The following ST7L variants were observed in gnomAD, a reference collection of about 807,000 sequenced individuals.
The protein encoded by ST7L is suppressor of tumorigenicity 7 protein-like.
In ST7L, 57 loss-of-function variants were observed where a neutral mutation model predicts 72.5. That is an observed-to-expected ratio of 0.79 (90% confidence interval 0.64 to 0.98). The LOEUF is 0.98. Among genes scored for constraint, ST7L ranks in the 50% least tolerant of loss-of-function variants. ST7L has a pLI of 0.00. For missense variants in ST7L, 576 were observed against 672.2 expected, an observed-to-expected ratio of 0.86 and a Z score of 1.58; for synonymous variants, 221 against 240.9, an observed-to-expected ratio of 0.92 and a Z score of 0.77.
chr1:112,604,626 A>G (rs185171916), intron 3 of ST7L, among the ~76,000 whole-genome samples: 29 of 152,106 alleles, frequency 1.9e-4, no homozygotes, highest in Non-Finnish European at 4.1e-4. Context: ...GGCAAATTCC[A>G]TTACATCTTA....
At chr1:112,550,563 C>T (rs1414880910) in intron 13 of ST7L, 38 bp downstream of exon 13, 6 of 1,446,942 alleles carry the variant, frequency 4.1e-6, no homozygotes, top group African/African-American at 1.4e-5. Flanking sequence ...TCTAAACTTA[C>T]TACTTTTAAG....
At chr1:112,583,154 T>G (rs528891972) in intron 7 of ST7L, among the ~76,000 whole-genome samples, 117 of 152,324 alleles carry the variant, frequency 7.7e-4, no homozygotes, top group African/African-American at 2.7e-3. Flanking sequence ...ATACCATATA[T>G]ATCTGTATTT....
At chr1:112,586,863 A>C (rs368231288) in intron 6 of ST7L, among the ~76,000 whole-genome samples, 1 of 152,206 alleles carries the variant, frequency 6.6e-6, no homozygotes, top group Admixed American at 6.5e-5. Flanking sequence ...CATCGCCACA[A>C]TGTAATTCCA....
chr1:112,559,651 T>A (rs1343308757), intron 11 of ST7L, among the ~76,000 whole-genome samples: 2 of 152,198 alleles, frequency 1.3e-5, no homozygotes, highest in Non-Finnish European at 2.9e-5. Flanking sequence ...TACTTCAAGA[T>A]TTTATATTAA....
At chr1:112,559,141 T>C (rs1429143245) in intron 11 of ST7L, among the ~76,000 whole-genome samples, 1 of 152,258 alleles carries the variant, frequency 6.6e-6, no homozygotes, top group Non-Finnish European at 1.5e-5. Context: ...AAGTATTTAG[T>C]ATATTCGTAA....
At position 112,555,952 on chromosome 1, in the gene ST7L, C is replaced by G. The variant is rs373567398; in HGVS notation, c.1312G>C (p.Ala438Pro). ...AGATGAAAGAAAGCATAGGCAATTG[C>G]TTCACTATCACCCCGTTTCAGAATG... ...EHILKRGDSE[A>P]IAYAFFHLQH... is the part of the protein sequence containing the mutation. Residue 438 changes from alanine (A) to proline (P), a missense_variant, in exon 12 of 15, where the codon GCA (alanine) becomes CCA (proline). By Grantham distance (27) the Ala-to-Pro change is conservative. Around this residue, in one of 3 missense-constraint regions of ST7L, gnomAD observed 511 missense variants for 600.7 expected, o/e 0.85. Transcript: ENST00000358039. 3.1e-6 allele frequency: 5 copies of G among 1,612,376 alleles called. No homozygotes were observed. In the African/African-American group the frequency reaches 5.3e-5, roughly 17 times the overall value.
chr1:112,602,713 CTTTTTTTTTT>C (rs35617753), intron 3 of ST7L, among the ~76,000 whole-genome samples: 13 of 120,498 alleles, frequency 1.1e-4, no homozygotes, highest in Non-Finnish European at 1.5e-4. Flanking sequence ...CATTTTCTTT[CTTTTTTTTTT>C]TTTTTTTTTT....
intron 14 of ST7L, among the ~76,000 whole-genome samples, chr1:112,532,094 C>A (rs1410242945): frequency 1.3e-5 from 2 of 152,082 alleles, no homozygotes; most frequent in African/African-American, 2.4e-5. Context: ...TCCCTGGGCT[C>A]GCAATAAGGG....
chr1:112,566,294 C>CTTTTTTTTTT (rs33915951), intron 11 of ST7L, among the ~76,000 whole-genome samples: 3 of 108,974 alleles, frequency 2.8e-5, no homozygotes, highest in East Asian at 2.9e-4. Context: ...TTTTCTTCTT[C>CTTTTTTTTTT]TTCTTTTTTT....
Position 112,550,639 on chromosome 1 carries a change from G to C in ST7L, c.1451C>G (p.Pro484Arg). The stretch of plus-strand genomic sequence containing the variant: ...TCTATCAGCCGTCTCTGTGCAGCTG[G>C]GATAAGGGTAAAATAGATGTCCTTT... Reference protein sequence around the residue: ...LEKGHLFYPYPSCTETADREL... With the variant: ...LEKGHLFYPYRSCTETADREL... Residue 484 changes from proline to arginine, a missense_variant, in exon 13 of 15, where the codon CCC becomes CGC. Physicochemically the swap from Pro to Arg is moderately radical, Grantham distance 103. This residue lies in a region of ST7L where 511 missense variants were observed against 600.7 expected (regional missense o/e 0.85). Coordinates refer to ENST00000358039, the MANE Select transcript of ST7L (RefSeq NM_017744.5). 6 of 1,613,412 alleles carry C rather than the reference G, an allele frequency of 3.7e-6. No individual in the cohort carries two copies. Among genetic ancestry groups the C allele is most frequent in the Non-Finnish European group, 5.1e-6 (6 of 1,179,646 alleles).
At chr1:112,610,513 C>G in intron 3 of ST7L, 1 of 253,586 alleles carries the variant, frequency 3.9e-6, no homozygotes, top group East Asian at 8.4e-5. Flanking sequence ...AAGTCTATGA[C>G]CAAGGTACCA....
chr1:112,562,436 C>T (rs753477999), intron 11 of ST7L, among the ~76,000 whole-genome samples: 3 of 151,654 alleles, frequency 2.0e-5, no homozygotes, highest in Non-Finnish European at 4.4e-5. Context: ...ATGGGAGAAA[C>T]ATACAAACAG....
chr1:112,603,954 C>T (rs183906538), intron 3 of ST7L, among the ~76,000 whole-genome samples: 2 of 152,228 alleles, frequency 1.3e-5, no homozygotes, highest in Admixed American at 1.3e-4. Flanking sequence ...TTTTGGGGAA[C>T]ACAATTCAGT....
intron 11 of ST7L, among the ~76,000 whole-genome samples, chr1:112,570,999 A>G (rs1662018286): frequency 6.6e-6 from 1 of 152,064 alleles, no homozygotes; most frequent in African/African-American, 2.4e-5. Flanking sequence ...GTGAAACCCC[A>G]TCTCTACTAA....
chr1:112,586,174 T>A (rs959929956), intron 6 of ST7L, among the ~76,000 whole-genome samples: 2 of 152,166 alleles, frequency 1.3e-5, no homozygotes, highest in African/African-American at 4.8e-5. Flanking sequence ...ATGGCTATAA[T>A]CCCAGCAGTT....
At chr1:112,558,834 A>G (rs1349882470) in intron 11 of ST7L, among the ~76,000 whole-genome samples, 5 of 152,208 alleles carry the variant, frequency 3.3e-5, no homozygotes, top group African/African-American at 9.7e-5. Context: ...ACAGTAAAAG[A>G]TCACTCGCAC....
chr1:112,561,007 T>TA (rs2101654269), intron 11 of ST7L, among the ~76,000 whole-genome samples: 1 of 151,552 alleles, frequency 6.6e-6, no homozygotes, highest in East Asian at 1.9e-4. Flanking sequence ...GTTAATCTGA[T>TA]AAATACAGCT....
intron 11 of ST7L, chr1:112,570,642 G>A (rs762944821): frequency 3.8e-5 from 16 of 415,694 alleles, no homozygotes; most frequent in Non-Finnish European, 6.6e-5. Flanking sequence ...CAATTGAAGT[G>A]TGAAGAAGAA....
intron 3 of ST7L, among the ~76,000 whole-genome samples, chr1:112,602,068 G>A (rs1467470885): frequency 9.2e-6 from 1 of 109,266 alleles, no homozygotes; most frequent in Non-Finnish European, 1.8e-5. Flanking sequence ...TGGGCGACAA[G>A]AGCAAAACTC....
Sources: allele counts gnomAD v4.1 joint callset (sites outside exome capture counted in the v4.1 genomes callset), GRCh38; gene constraint gnomAD v4.1.1; regional missense constraint gnomAD v4.1.1; transcripts MANE v1.5; gene names NCBI Gene and HGNC (gene_info 2026-07-23, HGNC 2026-07-21).